MRC2: variants seen among roughly 807,000 people sequenced by gnomAD.
MRC2 encodes the protein C-type mannose receptor 2.
In MRC2, 84 loss-of-function variants were observed where a neutral mutation model predicts 206.2. The observed-to-expected ratio is 0.41, with a 90% CI of 0.34 to 0.49. The LOEUF (loss-of-function observed/expected upper bound fraction) is 0.49, where lower values mean the gene tolerates loss of function less well. MRC2 is among the 20% of genes least tolerant of loss of function. MRC2 has a pLI of 0.31. For synonymous variants in MRC2, 798 were observed against 800.0 expected, an observed-to-expected ratio of 1.00 and a Z score of 0.04; for missense variants, 1,676 against 2,001.5, an observed-to-expected ratio of 0.84 and a Z score of 3.10.
chr17:62,632,618 C>G (rs1012532043), intron 1 of MRC2, among the ~76,000 whole-genome samples: 4 of 152,204 alleles, frequency 2.6e-5, no homozygotes, highest in African/African-American at 9.6e-5. Context: ...CTCCCCTCCC[C>G]TCTTCTTTCC....
Position 62,675,641 on chromosome 17 carries a change from A to G in MRC2, c.1570-149A>G. ...GGGGGAATGTGGAGAAACGAGGTGC[A>G]GAACACAGCCCAGTACTCAAACCAG... On this transcript the variant is annotated intron_variant, in intron 9 of 29. Coordinates refer to ENST00000303375, the MANE Select transcript of MRC2 (RefSeq NM_006039.5). The surrounding 1 kb of genome is among the most constrained non-coding windows in gnomAD (Gnocchi z 4.1). 3.2e-6 allele frequency: 2 copies of G among 616,640 alleles called. No individual in the cohort carries two copies. The highest frequency in any genetic ancestry group is 5.8e-6 in the Non-Finnish European group (2 of 345,066). 38.2% of individuals were successfully genotyped at this position (616,640 alleles called of 1,614,324 possible). A position where few individuals can be genotyped will look rare whatever the true frequency, so the allele number is the denominator to read the frequency against.
chr17:62,659,580 T>C (rs1270452840), intron 1 of MRC2, among the ~76,000 whole-genome samples: 2 of 152,014 alleles, frequency 1.3e-5, no homozygotes, highest in Non-Finnish European at 2.9e-5. Context: ...ACATGAATTT[T>C]TGGAGGTTGA....
At chr17:62,642,294 C>T (rs1344021496) in intron 1 of MRC2, among the ~76,000 whole-genome samples, 1 of 152,184 alleles carries the variant, frequency 6.6e-6, no homozygotes, top group Admixed American at 6.5e-5. Context: ...TGATTGTTTA[C>T]TCGTTCCTGG....
In MRC2 at chr17:62,627,908, G is replaced by C; in HGVS notation, c.106G>C (p.Ala36Pro). ...CGGCCGTCCCGGCGCCCCTGGGGAC[G>C]CCGCCCTCCCGGGTAAGGCGCTGCC... ...HLGRPGAPGD[A>P]ALPEPNVFLI... The change falls in exon 1 of 30, where the codon GCC becomes CCC. Residue 36 changes from alanine (A) to proline (P), a missense_variant. This residue lies in a region of MRC2 where 318 missense variants were observed against 346.7 expected (regional missense o/e 0.92). Transcript: ENST00000303375. 6.8e-7 allele frequency: 1 copy of C among 1,461,810 alleles called. No homozygotes were observed. Among genetic ancestry groups the C allele is most frequent in the African/African-American group, 1.5e-5 (1 of 67,692 alleles). The allele number at this position is 1,461,810 out of a possible 1,614,324, so 90.6% of individuals were successfully genotyped here.
In MRC2 at chr17:62,627,745, C is replaced by T. The variant is rs1395914884; in HGVS notation, c.-58C>T. The T allele has an allele frequency of 2.3e-6, 3 of 1,291,898 alleles. No homozygotes were observed. In the African/African-American group the frequency reaches 4.7e-5, roughly 20 times the overall value. 80.0% of individuals were successfully genotyped at this position (1,291,898 alleles called of 1,614,324 possible). A position where few individuals can be genotyped will look rare whatever the true frequency, so the allele number is the denominator to read the frequency against. On this transcript the variant is annotated 5_prime_UTR_variant, in exon 1 of 30. Transcript: ENST00000303375. The stretch of plus-strand genomic sequence containing the variant: ...TCACAGCCCAGCCTCGGGGCTGCCA[C>T]AGCGCGTTGCGCCTGTGCGCCCTCG...
chr17:62,651,974 T>C (rs2088561222), intron 1 of MRC2, among the ~76,000 whole-genome samples: 2 of 152,186 alleles, frequency 1.3e-5, no homozygotes, highest in African/African-American at 4.8e-5. Flanking sequence ...ATCTAAGTTG[T>C]TTTTTTCTTT....
chr17:62,689,788 C>A, intron 24 of MRC2, 28 bp downstream of exon 24: 1 of 1,531,822 alleles, frequency 6.5e-7, no homozygotes. Flanking sequence ...TTGCCCTGGG[C>A]CCCAGCCTTG....
rs777207393 is a variant in MRC2 at position 62,677,284 on chromosome 17, G to A, written c.1850G>A (p.Gly617Asp). Residue 617 changes from glycine to aspartate, a missense_variant, in exon 12 of 30, where the codon GGC (glycine) becomes GAC (aspartate). This residue lies in a region of MRC2 where 1,354 missense variants were observed against 1,636.6 expected (regional missense o/e 0.83). Transcript: ENST00000303375. ...NRDQPGYSRG[G>D]CVALATGSAM... ...TCTCCTTCAGGGTACAGCCGTGGGG[G>A]CTGCGTGGCGCTGGCCACTGGCAGC... 8 of 1,602,070 alleles carry A rather than the reference G, an allele frequency of 5.0e-6. No homozygotes were observed. The Admixed American group carries it at 1.4e-4, about 27-fold the overall frequency.
chr17:62,628,498 T>A (rs1217040696), intron 1 of MRC2, among the ~76,000 whole-genome samples: 1 of 152,136 alleles, frequency 6.6e-6, no homozygotes, highest in African/African-American at 2.4e-5. Context: ...CCGCCCCGCG[T>A]GAGCTCGGCA....
chr17:62,653,989 C>T (rs1345950376), intron 1 of MRC2, among the ~76,000 whole-genome samples: 3 of 152,132 alleles, frequency 2.0e-5, no homozygotes, highest in Non-Finnish European at 2.9e-5. Context: ...GGGTTGGCCT[C>T]TTAGCAGGGT....
At chr17:62,657,571 T>C (rs985910605) in intron 1 of MRC2, among the ~76,000 whole-genome samples, 1 of 151,086 alleles carries the variant, frequency 6.6e-6, no homozygotes, top group South Asian at 2.1e-4. Flanking sequence ...CCCTGCACCT[T>C]CTGTGGGGGG....
intron 20 of MRC2, among the ~76,000 whole-genome samples, chr17:62,685,132 A>G (rs2089017241): frequency 6.7e-6 from 1 of 149,442 alleles, no homozygotes; most frequent in Non-Finnish European, 1.5e-5. Context: ...AGAGATTGAG[A>G]CTCTCTCTCA....
intron 20 of MRC2, among the ~76,000 whole-genome samples, chr17:62,682,640 ATT>A (rs1437659287): frequency 1.1e-4 from 15 of 138,334 alleles, no homozygotes; most frequent in Middle Eastern, 3.7e-3. Context: ...ATTGCCAAAG[ATT>A]TTTTTTTTTT....
chr17:62,647,142 G>A (rs1322441183), intron 1 of MRC2, among the ~76,000 whole-genome samples: 3 of 150,232 alleles, frequency 2.0e-5, no homozygotes, highest in Non-Finnish European at 3.0e-5. Context: ...TGATTTAAAA[G>A]AAAATAAAAA....
At chr17:62,643,663 A>G (rs2088438454) in intron 1 of MRC2, among the ~76,000 whole-genome samples, 1 of 152,228 alleles carries the variant, frequency 6.6e-6, no homozygotes, top group Non-Finnish European at 1.5e-5. Context: ...AAGCCAATGG[A>G]AAATGTTTAA....
At position 62,679,860 on chromosome 17, in the gene MRC2, T is replaced by A. The variant is rs2088938744; in HGVS notation, c.2256T>A (p.Asp752Glu). 2.5e-6 allele frequency: 4 copies of A among 1,613,536 alleles called. No homozygotes were observed. The highest frequency in any genetic ancestry group is 4.5e-5 in the East Asian group (2 of 44,868). The change falls in exon 14 of 30, where the codon GAT (aspartate) becomes GAA (glutamate). Residue 752 changes from aspartate to glutamate, a missense_variant. By Grantham distance (45) the Asp-to-Glu change is conservative. This residue lies in a region of MRC2 where 1,354 missense variants were observed against 1,636.6 expected (regional missense o/e 0.83). Coordinates refer to ENST00000303375, the MANE Select transcript of MRC2 (RefSeq NM_006039.5). ...TCTGGATCGGCCTGAACCGTCGGGA[T>A]CCCAGAGGGGGTCAGAGTTGGCGCT... ...HWFWIGLNRR[D>E]PRGGQSWRWS...
Position 62,664,624 on chromosome 17 carries a change from C to T in MRC2, c.195C>T (p.Thr65=). 1 of 1,613,604 alleles carries T rather than the reference C, an allele frequency of 6.2e-7. No homozygotes were observed. Among genetic ancestry groups the T allele is most frequent in the South Asian group, 1.1e-5 (1 of 91,080 alleles). Residue 65 remains threonine (T), a synonymous_variant, in exon 2 of 30, where the codon ACC becomes ACT. Coordinates refer to ENST00000303375, the MANE Select transcript of MRC2 (RefSeq NM_006039.5). This position sits in a 1 kb window ranked among gnomAD's most constrained non-coding sequence, Gnocchi z 4.7. ...CCCAGGGCGGGCAGGTCAGAGTCACCCCGGCTTGCAATACCAGCCTCCCTG... is the reference window on the plus strand; with the variant it reads ...CCCAGGGCGGGCAGGTCAGAGTCACTCCGGCTTGCAATACCAGCCTCCCTG... ...LEAQGGQVRV[T]PACNTSLPAQ... is the part of the protein sequence containing the mutation.
At position 62,672,766 on chromosome 17, in the gene MRC2, C is replaced by T. The variant is rs1417761811; in HGVS notation, c.1461+614C>T. Among the ~76,000 whole-genome samples, 1 of 152,048 alleles carries T rather than the reference C, an allele frequency of 6.6e-6. No individual in the cohort carries two copies. Among genetic ancestry groups the T allele is most frequent in the Non-Finnish European group, 1.5e-5 (1 of 68,004 alleles). Reference sequence around the variant, plus strand: ...CAGCACATTGGGAGGCTGAGGCAGGCGGATCACTTGAGGTGAGGAGTTCGA... The same window carrying T: ...CAGCACATTGGGAGGCTGAGGCAGGTGGATCACTTGAGGTGAGGAGTTCGA... On this transcript the variant is annotated intron_variant, in intron 8 of 29. Transcript: ENST00000303375. The surrounding 1 kb of genome is among the most constrained non-coding windows in gnomAD (Gnocchi z 4.5).
intron 13 of MRC2, chr17:62,679,315 G>A (rs1180511947): frequency 6.3e-6 from 1 of 158,700 alleles, no homozygotes; most frequent in Non-Finnish European, 1.4e-5. Context: ...TAAACATATA[G>A]TCCTCACTCA....
Sources: gnomAD v4.1 joint callset for allele counts (sites outside exome capture counted in the v4.1 genomes callset) on GRCh38, gnomAD v4.1.1 for gene constraint, gnomAD v4.1.1 regional missense constraint, Gnocchi (gnomAD v3.1) non-coding constraint, MANE v1.5 for transcripts, NCBI Gene and HGNC (gene_info 2026-07-23, HGNC 2026-07-21) for gene names.